The following PAK2 variants were observed in gnomAD, a reference collection of about 807,000 sequenced individuals.
The protein encoded by PAK2 is p21 (RAC1) activated kinase 2.
PAK2 carries 21 observed loss-of-function variants against 65.9 expected under a neutral mutation model. That is an observed-to-expected ratio of 0.32 (90% CI 0.23 to 0.46). The LOEUF (loss-of-function observed/expected upper bound fraction) is 0.46. Ranked by LOEUF, PAK2 falls within the 20% of genes least tolerant of loss-of-function variation. The pLI, the probability that PAK2 is intolerant of heterozygous loss-of-function variation, is 1.00. For missense variants in PAK2, 324 were observed against 642.6 expected, an observed-to-expected ratio of 0.50 and a Z score of 5.36; for synonymous variants, 204 against 219.7, an observed-to-expected ratio of 0.93 and a Z score of 0.63.
intron 4 of PAK2, among the ~76,000 whole-genome samples, chr3:196,804,513 G>T (rs1015514688): frequency 6.6e-6 from 1 of 152,150 alleles, no homozygotes; most frequent in Non-Finnish European, 1.5e-5. Flanking sequence ...TGTTGCCCAG[G>T]CTGGAGTGCA....
At chr3:196,810,864 T>A (rs1267166888) in intron 8 of PAK2, among the ~76,000 whole-genome samples, 1 of 152,066 alleles carries the variant, frequency 6.6e-6, no homozygotes, top group Non-Finnish European at 1.5e-5. Flanking sequence ...TGTATCATTA[T>A]TTTTTCTTAA....
intron 1 of PAK2, among the ~76,000 whole-genome samples, chr3:196,759,911 GAA>G (rs1204498163): frequency 1.3e-4 from 20 of 152,096 alleles, no homozygotes; most frequent in Non-Finnish European, 2.4e-4. Flanking sequence ...ACCTCAGAGA[GAA>G]ATACTGCACT....
chr3:196,740,587 C>T (rs1341491608), intron 1 of PAK2, among the ~76,000 whole-genome samples: 1 of 152,200 alleles, frequency 6.6e-6, no homozygotes, highest in South Asian at 2.1e-4. Context: ...CTTGCTCGCT[C>T]TCTGTTCACC....
At chr3:196,744,911 G>T (rs919138509) in intron 1 of PAK2, among the ~76,000 whole-genome samples, 1 of 146,096 alleles carries the variant, frequency 6.8e-6, no homozygotes, top group African/African-American at 2.5e-5. Flanking sequence ...ACTTGTAAGT[G>T]TGCATTTAAA....
chr3:196,825,282 G>T (rs1034669307), intron 13 of PAK2, among the ~76,000 whole-genome samples: 12 of 151,894 alleles, frequency 7.9e-5, no homozygotes, highest in African/African-American at 2.9e-4. Flanking sequence ...GGAGGCAGAG[G>T]TTGCCATGTG....
At chr3:196,766,141 C>T (rs146384112) in intron 1 of PAK2, among the ~76,000 whole-genome samples, 26 of 152,088 alleles carry the variant, frequency 1.7e-4, no homozygotes, top group Admixed American at 9.8e-4. Flanking sequence ...ATGATCCGCC[C>T]GCCTCGACCT....
At chr3:196,817,839 T>C (rs942403203) in intron 11 of PAK2, among the ~76,000 whole-genome samples, 8 of 152,132 alleles carry the variant, frequency 5.3e-5, no homozygotes, top group African/African-American at 1.9e-4. Flanking sequence ...TACTGACTTT[T>C]TAAAAAATTT....
intron 1 of PAK2, among the ~76,000 whole-genome samples, chr3:196,775,969 G>T (rs770784935): frequency 6.6e-6 from 1 of 152,148 alleles, no homozygotes; most frequent in Non-Finnish European, 1.5e-5. Context: ...AAATAAATAT[G>T]AGTCTTCTGC....
intron 11 of PAK2, among the ~76,000 whole-genome samples, chr3:196,815,599 C>T (rs370731266): frequency 2.6e-5 from 4 of 151,400 alleles, no homozygotes; most frequent in South Asian, 4.2e-4. Flanking sequence ...CCATCCTGAC[C>T]AACACGGTGA....
chr3:196,769,643 C>T (rs1356754071), intron 1 of PAK2, among the ~76,000 whole-genome samples: 2 of 44,800 alleles, frequency 4.5e-5, no homozygotes, highest in African/African-American at 9.9e-5. Flanking sequence ...AACCCCGTCT[C>T]TCCTAAAAAA....
At chr3:196,821,430 G>A (rs904812312) in intron 13 of PAK2, among the ~76,000 whole-genome samples, 47 of 152,108 alleles carry the variant, frequency 3.1e-4, no homozygotes, top group African/African-American at 1.1e-3. Flanking sequence ...GACCGGGTGC[G>A]GTGGCTTACA....
chr3:196,773,197 T>C (rs916084595), intron 1 of PAK2, among the ~76,000 whole-genome samples: 1 of 152,212 alleles, frequency 6.6e-6, no homozygotes, highest in Non-Finnish European at 1.5e-5. Flanking sequence ...CCTACTTGTT[T>C]TTCACTGAAA....
At chr3:196,789,588 G>A (rs191706234) in intron 2 of PAK2, among the ~76,000 whole-genome samples, 393 of 151,898 alleles carry the variant, frequency 2.6e-3, no homozygotes, top group Non-Finnish European at 4.8e-3. Context: ...TCAGCCTCCC[G>A]AGTAGCTGGG....
chr3:196,787,917 G>T (rs945533535), intron 2 of PAK2, among the ~76,000 whole-genome samples: 1 of 152,212 alleles, frequency 6.6e-6, no homozygotes. Flanking sequence ...TTACACATCC[G>T]TGCTTTTGTA....
intron 1 of PAK2, among the ~76,000 whole-genome samples, chr3:196,752,530 T>G (rs911842892): frequency 3.9e-5 from 6 of 152,214 alleles, no homozygotes; most frequent in Non-Finnish European, 8.8e-5. Flanking sequence ...AGAATATTGT[T>G]AATGTATTTT....
chr3:196,757,304 T>G (rs1713800267), intron 1 of PAK2, among the ~76,000 whole-genome samples: 2 of 152,182 alleles, frequency 1.3e-5, no homozygotes, highest in Admixed American at 6.5e-5. Flanking sequence ...TGGAAAAGGT[T>G]GTTTAGTGAA....
chr3:196,754,050 T>C (rs1713693964), intron 1 of PAK2, among the ~76,000 whole-genome samples: 1 of 152,192 alleles, frequency 6.6e-6, no homozygotes, highest in African/African-American at 2.4e-5. Context: ...TTTTTCTTTT[T>C]CACTTCTAAT....
chr3:196,779,399 T>A (rs761865467), intron 1 of PAK2, among the ~76,000 whole-genome samples: 1 of 152,182 alleles, frequency 6.6e-6, no homozygotes, highest in Non-Finnish European at 1.5e-5. Flanking sequence ...TCATCTTCCA[T>A]TTTCCCTTTC....
chr3:196,775,626 C>A (rs553221094), intron 1 of PAK2, among the ~76,000 whole-genome samples: 1 of 152,170 alleles, frequency 6.6e-6, no homozygotes, highest in East Asian at 1.9e-4. Context: ...TGTGATCTGC[C>A]CGCCTCAGCT....
Sources: gnomAD v4.1 joint callset for allele counts (sites outside exome capture counted in the v4.1 genomes callset) on GRCh38, gnomAD v4.1.1 for gene constraint, MANE v1.5 for transcripts, NCBI Gene and HGNC (gene_info 2026-07-23, HGNC 2026-07-21) for gene names.